USP43: variants seen among roughly 807,000 people sequenced by gnomAD.
The protein encoded by USP43 is ubiquitin specific peptidase 43.
A neutral mutation model predicts 90.7 loss-of-function variants in USP43; 33 were observed. The ratio of observed to expected loss-of-function variants is 0.36; its 90% CI spans 0.28 to 0.49. USP43 has a LOEUF of 0.49. Among genes scored for constraint, USP43 ranks in the 20% least tolerant of loss-of-function variants. The probability of loss-of-function intolerance (pLI) is 0.98; values close to 1 mark genes in which losing one functional copy is unlikely to be tolerated. For synonymous variants in USP43, 598 were observed against 615.8 expected, an observed-to-expected ratio of 0.97 and a Z score of 0.43; for missense variants, 1,274 against 1,476.4, an observed-to-expected ratio of 0.86 and a Z score of 2.25.
chr17:9,711,060 A>C (rs1024380513), intron 13 of USP43, among the ~76,000 whole-genome samples: 1 of 152,196 alleles, frequency 6.6e-6, no homozygotes, highest in African/African-American at 2.4e-5. Flanking sequence ...ATGTTGAAAA[A>C]AGAATGAAAA....
In USP43 at chr17:9,701,540, C is replaced by G. The variant is rs1915571879; in HGVS notation, c.1851C>G (p.Pro617=). The change falls in exon 12 of 15, where the codon CCC becomes CCG. Residue 617 remains proline (P), a synonymous_variant. Transcript: ENST00000285199. This position sits in a 1 kb window ranked among gnomAD's most constrained non-coding sequence, Gnocchi z 7.2. Reference sequence around the variant, plus strand: ...CGCTCTCTGGACTCAACATGGCTCCCCATGTGGCCCAGAGAAGCACCAGCC... The same window carrying G: ...CGCTCTCTGGACTCAACATGGCTCCGCATGTGGCCCAGAGAAGCACCAGCC... ...KFPLSGLNMA[P]HVAQRSTSPE... 2.6e-6 allele frequency: 4 copies of G among 1,565,192 alleles called. No homozygotes were observed. Among genetic ancestry groups the G allele is most frequent in the Non-Finnish European group, 2.6e-6 (3 of 1,155,220 alleles).
chr17:9,651,700 A>G (rs377118324), intron 1 of USP43, among the ~76,000 whole-genome samples: 2 of 152,320 alleles, frequency 1.3e-5, no homozygotes, highest in South Asian at 2.1e-4. Context: ...TTATGTGCTT[A>G]AGCATCAATT....
intron 3 of USP43, among the ~76,000 whole-genome samples, chr17:9,673,019 G>A (rs1052010112): frequency 6.6e-6 from 1 of 152,120 alleles, no homozygotes; most frequent in Non-Finnish European, 1.5e-5. Context: ...GACTTATCCC[G>A]GTAATGTCAT....
At chr17:9,659,224 T>A (rs1385105158) in intron 2 of USP43, among the ~76,000 whole-genome samples, 1 of 152,238 alleles carries the variant, frequency 6.6e-6, no homozygotes, top group African/African-American at 2.4e-5. Context: ...GTTTGTCGAA[T>A]GTTTGTTATG....
At position 9,646,077 on chromosome 17, in the gene USP43, G is replaced by A; in HGVS notation, c.445G>A (p.Ala149Thr). 6.6e-7 allele frequency: 1 copy of A among 1,506,446 alleles called. No individual in the cohort carries two copies. Among genetic ancestry groups the A allele is most frequent in the Non-Finnish European group, 8.9e-7 (1 of 1,128,138 alleles). 93.3% of individuals were successfully genotyped at this position (1,506,446 alleles called of 1,614,324 possible). The change falls in exon 1 of 15, where the codon GCG becomes ACG. Residue 149 changes from alanine (A) to threonine (T), a missense_variant. Ala to Thr is a moderately conservative substitution (Grantham distance 58). Around this residue, in one of 6 missense-constraint regions of USP43, gnomAD observed 259 missense variants for 373.7 expected, o/e 0.69. Coordinates refer to ENST00000285199, the MANE Select transcript of USP43 (RefSeq NM_153210.5). Reference sequence around the variant, plus strand: ...CGCCGAGGTCACCGAGCAGCTGGCGGCGCTGGTGCGCGCGCTCTGGACTCG... The same window carrying A: ...CGCCGAGGTCACCGAGCAGCTGGCGACGCTGGTGCGCGCGCTCTGGACTCG... ...GRAEVTEQLA[A>T]LVRALWTREY...
At position 9,729,447 on chromosome 17, in the gene USP43, T is replaced by C. The variant is rs1019655403; in HGVS notation, c.*457T>C. Reference sequence around the variant, plus strand: ...TTTTAATGCTTTTCTGGGATAAGCATTAAAGATGCCAAAAAGAAAAAAAAA... The same window carrying C: ...TTTTAATGCTTTTCTGGGATAAGCACTAAAGATGCCAAAAAGAAAAAAAAA... On this transcript the variant is annotated 3_prime_UTR_variant, in exon 15 of 15. Transcript: ENST00000285199. The C allele has an allele frequency of 4.0e-5, 6 of 150,256 alleles. No individual in the cohort carries two copies. The highest frequency in any genetic ancestry group is 5.9e-5 in the Non-Finnish European group (4 of 67,630). The allele number at this position is 150,256 out of a possible 1,614,324, so 9.3% of individuals were successfully genotyped here. A position where few individuals can be genotyped will look rare whatever the true frequency, so the allele number is the denominator to read the frequency against.
At chr17:9,655,387 A>G (rs1912168772) in intron 1 of USP43, among the ~76,000 whole-genome samples, 1 of 152,250 alleles carries the variant, frequency 6.6e-6, no homozygotes, top group Admixed American at 6.5e-5. Flanking sequence ...AGGAACTGCT[A>G]AAAGTGGCTG....
chr17:9,721,904 T>C (rs934071009), intron 14 of USP43, among the ~76,000 whole-genome samples: 12 of 150,838 alleles, frequency 8.0e-5, no homozygotes, highest in African/African-American at 2.2e-4. Flanking sequence ...CTAATTTTTT[T>C]TTTTTTTTGT....
chr17:9,699,562 A>G lies in USP43; in HGVS notation c.1458-610A>G, dbSNP rs150821026. Reference sequence around the variant, plus strand: ...GTTGCCATCACTTGTATCTGTTCCTATTGATTTCAGGATAAAACCTCATGT... The same window carrying G: ...GTTGCCATCACTTGTATCTGTTCCTGTTGATTTCAGGATAAAACCTCATGT... On this transcript the variant is annotated intron_variant, in intron 9 of 14. Transcript: ENST00000285199. 3.1e-3 allele frequency among the ~76,000 whole-genome samples: 476 copies of G among 152,218 alleles called. 1 individual carries two copies. Among genetic ancestry groups the G allele is most frequent in the South Asian group, 6.4e-3 (31 of 4,818 alleles).
At chr17:9,671,587 C>T (rs998825123) in intron 3 of USP43, among the ~76,000 whole-genome samples, 3 of 152,198 alleles carry the variant, frequency 2.0e-5, no homozygotes, top group African/African-American at 7.2e-5. Flanking sequence ...GGTGGAAAAG[C>T]AAACCGCAGC....
rs116302114 is a variant in USP43, at chr17:9,712,498, A to G, written c.2335+366A>G. Among the ~76,000 whole-genome samples the G allele has an allele frequency of 4.7e-3, 710 of 152,264 alleles. 6 individuals carry two copies. The highest frequency in any genetic ancestry group is 0.016 in the African/African-American group (671 of 41,548). On this transcript the variant is annotated intron_variant, in intron 14 of 14. Coordinates refer to ENST00000285199, the MANE Select transcript of USP43 (RefSeq NM_153210.5). Reference sequence around the variant, plus strand: ...GGCCCGGGAGATAGGACGGGCGGGTAACATCTTTCTAGGGGGTGACACTGA... The same window carrying G: ...GGCCCGGGAGATAGGACGGGCGGGTGACATCTTTCTAGGGGGTGACACTGA...
chr17:9,675,007 C>T (rs373497212), intron 4 of USP43, 24 bp downstream of exon 4: 4 of 1,599,942 alleles, frequency 2.5e-6, no homozygotes, highest in Non-Finnish European at 1.7e-6. Context: ...GCGGCTTGCC[C>T]GGTGAACTTG....
chr17:9,716,228 A>T (rs1916563076), intron 14 of USP43, among the ~76,000 whole-genome samples: 2 of 152,146 alleles, frequency 1.3e-5, no homozygotes, highest in African/African-American at 4.8e-5. Flanking sequence ...AGTTTTTTAA[A>T]TACAATTTTA....
chr17:9,655,084 GAAAA>G (rs57985388), intron 1 of USP43, among the ~76,000 whole-genome samples: 21 of 37,354 alleles, frequency 5.6e-4, no homozygotes, highest in African/African-American at 1.1e-3. Context: ...AGAAAGAAAG[GAAAA>G]AAAAAAAAAA....
intron 3 of USP43, among the ~76,000 whole-genome samples, chr17:9,670,000 G>A (rs1293082325): frequency 6.6e-6 from 1 of 151,860 alleles, no homozygotes; most frequent in African/African-American, 2.4e-5. Flanking sequence ...CAGAGTTAAA[G>A]GAGGGAGTGA....
chr17:9,700,393 C>T (rs1386732035), intron 10 of USP43, 144 bp downstream of exon 10: 2 of 684,870 alleles, frequency 2.9e-6, no homozygotes, highest in African/African-American at 3.6e-5. Context: ...TGTGAGATGC[C>T]TGAGTGAGAA....
chr17:9,665,163 G>A (rs186211949), intron 2 of USP43, among the ~76,000 whole-genome samples: 81 of 152,224 alleles, frequency 5.3e-4, no homozygotes, highest in African/African-American at 1.7e-3. Context: ...AAGGGATAGG[G>A]GTCCAGAGGA....
At chr17:9,690,774 A>G (rs139777420) in intron 8 of USP43, among the ~76,000 whole-genome samples, 1,765 of 152,126 alleles carry the variant, frequency 0.012, 24 homozygotes, top group Middle Eastern at 0.041. Flanking sequence ...AATCCCAGCT[A>G]CTCGGGAGGC....
At chr17:9,645,515 G>T (rs1459162274), upstream of USP43, 19 of 1,006,350 alleles carry the variant, frequency 1.9e-5, no homozygotes. The surrounding 1 kb of genome is among the most constrained non-coding windows in gnomAD (Gnocchi z 6.8). Context: ...CCCCGTCCCC[G>T]CACACCTGGC....
Sources: gnomAD v4.1 joint callset for allele counts (sites outside exome capture counted in the v4.1 genomes callset) on GRCh38, gnomAD v4.1.1 for gene constraint, gnomAD v4.1.1 regional missense constraint, Gnocchi (gnomAD v3.1) non-coding constraint, MANE v1.5 for transcripts, NCBI Gene and HGNC (gene_info 2026-07-23, HGNC 2026-07-21) for gene names.